ZFYVE28: variants seen among roughly 807,000 people sequenced by gnomAD.
ZFYVE28 encodes zinc finger FYVE-type containing 28.
In ZFYVE28, 40 loss-of-function variants were observed where a neutral mutation model predicts 82.1. The ratio of observed to expected loss-of-function variants is 0.49; its 90% CI spans 0.38 to 0.63. ZFYVE28 has a LOEUF of 0.63. Ranked by LOEUF, ZFYVE28 falls within the 30% of genes least tolerant of loss-of-function variation. The pLI, the probability that ZFYVE28 is intolerant of heterozygous loss-of-function variation, is 0.00. For synonymous variants in ZFYVE28, 612 were observed against 546.1 expected (o/e 1.12, Z -1.68); for missense variants, 1,321 against 1,242.1 (o/e 1.06, Z -0.96).
chr4:2,277,038 C>T (rs1318597737), intron 8 of ZFYVE28, among the ~76,000 whole-genome samples: 4 of 151,978 alleles, frequency 2.6e-5, no homozygotes, highest in South Asian at 2.1e-4. Context: ...GGCAAGGGAA[C>T]GGAGGCGGCA....
chr4:2,335,652 C>T lies in ZFYVE28; in HGVS notation c.701+53G>A. The T allele has an allele frequency of 2.0e-6, 3 of 1,517,368 alleles. No individual in the cohort carries two copies. Among genetic ancestry groups the T allele is most frequent in the Non-Finnish European group, 8.9e-7 (1 of 1,117,498 alleles). The allele number at this position is 1,517,368 out of a possible 1,614,324, so 94.0% of individuals were successfully genotyped here. On this transcript the variant is annotated intron_variant, in intron 6 of 12. Coordinates refer to ENST00000290974, the MANE Select transcript of ZFYVE28 (RefSeq NM_020972.3). This position sits in a 1 kb window ranked among gnomAD's most constrained non-coding sequence, Gnocchi z 5.8. ...CCCGCACGGGACCTGGCACCATCAG[C>T]CCTGCCCGTCCCGCAGGTTTCTGCA...
intron 1 of ZFYVE28, among the ~76,000 whole-genome samples, chr4:2,370,436 C>T (rs973549475): frequency 2.6e-5 from 4 of 152,170 alleles, no homozygotes; most frequent in Non-Finnish European, 5.9e-5. Context: ...GGCCCACACC[C>T]CAGCTCACAC....
At chr4:2,340,133 C>T (rs1164747301) in intron 3 of ZFYVE28, among the ~76,000 whole-genome samples, 1 of 152,276 alleles carries the variant, frequency 6.6e-6, no homozygotes, top group East Asian at 1.9e-4. Context: ...GATCCGGGCC[C>T]GAGGTCCCCA....
At chr4:2,404,857 C>CTTTCT (rs1553867205) in intron 1 of ZFYVE28, among the ~76,000 whole-genome samples, 169 of 110,998 alleles carry the variant, frequency 1.5e-3, no homozygotes, top group Non-Finnish European at 2.3e-3. Context: ...CAGTCTCGCT[C>CTTTCT]TTTTTTTTTT....
intron 2 of ZFYVE28, among the ~76,000 whole-genome samples, chr4:2,345,868 G>A (rs1030421168): frequency 1.3e-5 from 2 of 151,998 alleles, no homozygotes; most frequent in Non-Finnish European, 1.5e-5. Context: ...TAATACAAGT[G>A]AGAAGAGAAT....
In ZFYVE28 at chr4:2,368,211, CAAAAAA is replaced by C. The variant is rs34092714; in HGVS notation, c.40-14144_40-14139del. 3.1e-4 allele frequency among the ~76,000 whole-genome samples: 27 copies of C among 86,194 alleles called. No homozygotes were observed. The Admixed American group carries it at 4.1e-3, about 13-fold the overall frequency. 56.5% of individuals were successfully genotyped at this position (86,194 alleles called of 152,430 possible). On this transcript the variant is annotated intron_variant, in intron 1 of 12. Coordinates refer to ENST00000290974, the MANE Select transcript of ZFYVE28 (RefSeq NM_020972.3). Reference sequence around the variant, plus strand: ...TGGGCAACAAAGCAACACATCTCTACAAAAAAAAAAAAAAAAAAACACTGTATCTAC... The same window carrying C: ...TGGGCAACAAAGCAACACATCTCTACAAAAAAAAAAAAACACTGTATCTAC...
intron 8 of ZFYVE28, among the ~76,000 whole-genome samples, chr4:2,277,887 G>GA (rs1736619073): frequency 1.3e-5 from 2 of 151,746 alleles, no homozygotes; most frequent in East Asian, 1.9e-4. Flanking sequence ...ATAGCCAAAA[G>GA]AAAAAAAACA....
At chr4:2,358,355 T>A (rs1725643332) in intron 1 of ZFYVE28, among the ~76,000 whole-genome samples, 1 of 152,214 alleles carries the variant, frequency 6.6e-6, no homozygotes, top group Non-Finnish European at 1.5e-5. Context: ...AGGGGTGACA[T>A]GCCTGTCTAC....
At chr4:2,402,507 A>G (rs902282324) in intron 1 of ZFYVE28, among the ~76,000 whole-genome samples, 1 of 152,196 alleles carries the variant, frequency 6.6e-6, no homozygotes, top group Non-Finnish European at 1.5e-5. Context: ...AACATCCTCA[A>G]GCCAGGACTG....
chr4:2,411,885 G>A (rs1309817380), intron 1 of ZFYVE28, among the ~76,000 whole-genome samples: 1 of 152,298 alleles, frequency 6.6e-6, no homozygotes, highest in East Asian at 1.9e-4. Context: ...GACAACAAAT[G>A]GGGGGCACAG....
chr4:2,329,755 T>C (rs1720387778), intron 6 of ZFYVE28, among the ~76,000 whole-genome samples: 1 of 152,264 alleles, frequency 6.6e-6, no homozygotes, highest in South Asian at 2.1e-4. Context: ...TGGGGATGTT[T>C]TTGCATAGCA....
chr4:2,330,674 C>T (rs1044335372), intron 6 of ZFYVE28: 15 of 1,432,312 alleles, frequency 1.0e-5, no homozygotes, highest in Admixed American at 2.6e-5. Flanking sequence ...ATGGAGAGGA[C>T]AGCATGGCCA....
intron 1 of ZFYVE28, among the ~76,000 whole-genome samples, chr4:2,365,379 T>C (rs1490522992): frequency 6.6e-6 from 1 of 151,896 alleles, no homozygotes; most frequent in Admixed American, 6.5e-5. Context: ...CCCCCCCAAC[T>C]ACCTGCACGC....
chr4:2,279,021 T>A (rs994568827), intron 8 of ZFYVE28, among the ~76,000 whole-genome samples: 1 of 151,748 alleles, frequency 6.6e-6, no homozygotes, highest in African/African-American at 2.4e-5. Context: ...CCTCTCTTCC[T>A]TATGGAAAAA....
At position 2,394,561 on chromosome 4, in the gene ZFYVE28, A is replaced by T. The variant is rs1730219837; in HGVS notation, c.39+23724T>A. Among the ~76,000 whole-genome samples, 2 of 152,224 alleles carry T rather than the reference A, an allele frequency of 1.3e-5. No individual in the cohort carries two copies. The highest frequency in any genetic ancestry group is 2.9e-5 in the Non-Finnish European group (2 of 68,034). On this transcript the variant is annotated intron_variant, in intron 1 of 12. Transcript: ENST00000290974. The surrounding 1 kb of genome is among the most constrained non-coding windows in gnomAD (Gnocchi z 4.0). Reference sequence around the variant, plus strand: ...TGAGAAGGGTCATGAACCACAAGTTATGATGGCTCCAGCTGTGTGCACATA... The same window carrying T: ...TGAGAAGGGTCATGAACCACAAGTTTTGATGGCTCCAGCTGTGTGCACATA...
intron 4 of ZFYVE28, among the ~76,000 whole-genome samples, chr4:2,337,735 G>T (rs1347796122): frequency 6.6e-6 from 1 of 152,168 alleles, no homozygotes; most frequent in African/African-American, 2.4e-5. Flanking sequence ...GGGTGTGGTG[G>T]TGGCAGGCAC....
intron 8 of ZFYVE28, among the ~76,000 whole-genome samples, chr4:2,303,152 C>T (rs1014448528): frequency 6.6e-6 from 1 of 152,142 alleles, no homozygotes; most frequent in Non-Finnish European, 1.5e-5. Flanking sequence ...GAAAGAGCTG[C>T]AGGGAGGCCC....
Position 2,360,307 on chromosome 4 carries a change from G to A in ZFYVE28, c.40-6234C>T, listed in dbSNP as rs1042868015. On this transcript the variant is annotated intron_variant, in intron 1 of 12. Transcript: ENST00000290974. ...AGTGCCCACAAGCAAATACCCTGCCGCTGTACCTTGATTTCAGTAAATTAA... is the reference window on the plus strand; with the variant it reads ...AGTGCCCACAAGCAAATACCCTGCCACTGTACCTTGATTTCAGTAAATTAA... Among the ~76,000 whole-genome samples the A allele has an allele frequency of 4.0e-5, 6 of 151,446 alleles. No homozygotes were observed. The Admixed American group carries it at 4.0e-4, about 10-fold the overall frequency.
intron 8 of ZFYVE28, among the ~76,000 whole-genome samples, chr4:2,296,340 G>C (rs946845870): frequency 3.3e-5 from 5 of 152,206 alleles, no homozygotes. Flanking sequence ...GGGCCAGCGA[G>C]AGCAAGAACC....
Sources: gnomAD v4.1 joint callset for allele counts (sites outside exome capture counted in the v4.1 genomes callset) on GRCh38, gnomAD v4.1.1 for gene constraint, Gnocchi (gnomAD v3.1) non-coding constraint, MANE v1.5 for transcripts, NCBI Gene and HGNC (gene_info 2026-07-23, HGNC 2026-07-21) for gene names.